SPATA46: variants seen among roughly 807,000 people sequenced by gnomAD.
SPATA46 encodes the protein spermatogenesis associated 46.
In SPATA46, 3 loss-of-function variants were observed where a neutral mutation model predicts 6.2. The observed-to-expected ratio is 0.48, with a 90% confidence interval of 0.22 to 1.25. The LOEUF is 1.25. Among genes scored for constraint, SPATA46 ranks in the 50% most tolerant of loss-of-function variants. SPATA46 has a pLI of 0.20. For synonymous variants in SPATA46, 117 were observed against 123.3 expected (o/e 0.95, Z 0.34); for missense variants, 308 against 323.5 (o/e 0.95, Z 0.37).
rs778213321 is a variant in SPATA46, at chr1:162,374,324, T to G, written c.510A>C (p.Leu170=). The G allele has an allele frequency of 6.2e-7, 1 of 1,614,148 alleles. No individual in the cohort carries two copies. Among genetic ancestry groups the G allele is most frequent in the Non-Finnish European group, 8.5e-7 (1 of 1,179,988 alleles). Residue 170 remains leucine, a synonymous_variant, in exon 3 of 3, where the codon CTA becomes CTC. Transcript: ENST00000367935. ...GTGCTGGGTGCCACCTGGAAGCCAT[T>G]AGGATGTCCTGGGATGTGATGGAGT... ...GLDSITSQDI[L]MASRWHPAQQ...
chr1:162,374,282 C>G lies in SPATA46; in HGVS notation c.552G>C (p.Lys184Asn). 6.2e-7 allele frequency: 1 copy of G among 1,614,104 alleles called. No individual in the cohort carries two copies. Among genetic ancestry groups the G allele is most frequent in the Non-Finnish European group, 8.5e-7 (1 of 1,179,954 alleles). The change falls in exon 3 of 3, where the codon AAG becomes AAC. Residue 184 changes from lysine (K) to asparagine (N), a missense_variant. Coordinates refer to ENST00000367935, the MANE Select transcript of SPATA46 (RefSeq NM_182581.4). ...GGTACATGCGGCAGCAGGCCACGCA[C>G]TTGTAGCCATTCTGCTGTGCTGGGT... ...RWHPAQQNGY[K>N]CVACCRMYPT... is the part of the protein sequence containing the mutation.
Position 162,375,381 on chromosome 1 carries a change from G to A in SPATA46, c.126C>T (p.Pro42=). ...SLPDIAKTAV[P]TEASSPAQAL... ...CCTGAGCTGGGCTGGATGCCTCAGT[G>A]GGTACTGCTGTCTTTGCAATGTCTG... The change falls in exon 2 of 3, where the codon CCC becomes CCT. Residue 42 remains proline, a synonymous_variant. Coordinates refer to ENST00000367935, the MANE Select transcript of SPATA46 (RefSeq NM_182581.4). 6.2e-7 allele frequency: 1 copy of A among 1,614,062 alleles called. No individual in the cohort carries two copies. Among genetic ancestry groups the A allele is most frequent in the South Asian group, 1.1e-5 (1 of 91,082 alleles).
intron 2 of SPATA46, 142 bp downstream of exon 2, chr1:162,375,148 A>C (rs1193787595): frequency 1.5e-6 from 1 of 684,590 alleles, no homozygotes; most frequent in Non-Finnish European, 2.5e-6. Context: ...TACCAAAGGA[A>C]GAAGGGCCAG....
At chr1:162,376,222 A>G (rs893484650) in intron 1 of SPATA46, among the ~76,000 whole-genome samples, 10 of 152,330 alleles carry the variant, frequency 6.6e-5, no homozygotes, top group Non-Finnish European at 1.3e-4. Context: ...GCTGCTGCTT[A>G]GGCTTCTCTG....
Position 162,373,960 on chromosome 1 carries a change from T to C in SPATA46, c.*88A>G. 1.3e-5 allele frequency: 18 copies of C among 1,367,520 alleles called. No individual in the cohort carries two copies. Among genetic ancestry groups the C allele is most frequent in the Non-Finnish European group, 1.8e-5 (18 of 1,003,180 alleles). The allele number at this position is 1,367,520 out of a possible 1,614,324, so 84.7% of individuals were successfully genotyped here. A position where few individuals can be genotyped will look rare whatever the true frequency, so the allele number is the denominator to read the frequency against. On this transcript the variant is annotated 3_prime_UTR_variant, in exon 3 of 3. Transcript: ENST00000367935. The stretch of plus-strand genomic sequence containing the variant: ...CTAGGCAACCATTAGCCAAAGGTGA[T>C]GAGAGCCGGGTTCTGGGAAGGACAG...
In SPATA46 at chr1:162,376,591, A is replaced by G. The variant is rs1647679765; in HGVS notation, c.103+97T>C. The G allele has an allele frequency of 2.5e-6, 3 of 1,180,558 alleles. No individual in the cohort carries two copies. In the Admixed American group the frequency reaches 7.8e-5, roughly 31 times the overall value. The allele number at this position is 1,180,558 out of a possible 1,614,324, so 73.1% of individuals were successfully genotyped here. On this transcript the variant is annotated intron_variant, in intron 1 of 2. Transcript: ENST00000367935. ...TCCCCATGCGTAATTTGACTTTCTC[A>G]CTAAATCATGGTCCTGTAACATGAT...
chr1:162,376,028 A>G (rs164185), intron 1 of SPATA46, among the ~76,000 whole-genome samples: 143,963 of 152,262 alleles, frequency 0.95, 68,544 homozygotes, highest in East Asian at 1. Flanking sequence ...CTGTGCATAG[A>G]GATCCCCTAG....
rs778609380 is a variant in SPATA46, at chr1:162,376,735, A to C, written c.56T>G (p.Leu19Arg). 1.2e-6 allele frequency: 2 copies of C among 1,614,124 alleles called. No individual in the cohort carries two copies. Among genetic ancestry groups the C allele is most frequent in the South Asian group, 1.1e-5 (1 of 91,080 alleles). ...GAACATAATGTCGGGAAAAGCACTC[A>C]GGGCGGAGGAAGAGATTGGAGGTCC... is the stretch of plus-strand genomic sequence containing the variant. ...ISGPPISSSA[L>R]SAFPDIMFSR... is the part of the protein sequence containing the mutation. Residue 19 changes from leucine to arginine, a missense_variant, in exon 1 of 3, where the codon CTG becomes CGG. Transcript: ENST00000367935.
At position 162,374,376 on chromosome 1, in the gene SPATA46, G is replaced by A; in HGVS notation, c.458C>T (p.Ala153Val). ...SSPENTCPREATKKSRHGLDS... is the reference protein window; with the variant it reads ...SSPENTCPREVTKKSRHGLDS... Reference sequence around the variant, plus strand: ...CAGGCCATGCCTGGATTTCTTGGTGGCTTCTCGAGGGCAAGTGTTCTCTGG... The same window carrying A: ...CAGGCCATGCCTGGATTTCTTGGTGACTTCTCGAGGGCAAGTGTTCTCTGG... Residue 153 changes from alanine to valine, a missense_variant, in exon 3 of 3, where the codon GCC becomes GTC. Transcript: ENST00000367935. 1 of 1,614,230 alleles carries A rather than the reference G, an allele frequency of 6.2e-7. No individual in the cohort carries two copies. Among genetic ancestry groups the A allele is most frequent in the Non-Finnish European group, 8.5e-7 (1 of 1,180,038 alleles).
chr1:162,375,415 A>G lies in SPATA46; in HGVS notation c.104-12T>C. The G allele has an allele frequency of 1.9e-6, 3 of 1,610,332 alleles. No individual in the cohort carries two copies. The highest frequency in any genetic ancestry group is 1.7e-6 in the Non-Finnish European group (2 of 1,176,660). ...TGTCTTTGCAATGTCTGGGTTATAGAAGAAACACTGGTGAGCTGAGCAAGG... is the reference window on the plus strand; with the variant it reads ...TGTCTTTGCAATGTCTGGGTTATAGGAGAAACACTGGTGAGCTGAGCAAGG... On this transcript the variant is annotated splice_polypyrimidine_tract_variant and intron_variant, in intron 1 of 2. Coordinates refer to ENST00000367935, the MANE Select transcript of SPATA46 (RefSeq NM_182581.4).
In SPATA46 at chr1:162,374,516, G is replaced by T. The variant is rs1263010730; in HGVS notation, c.318C>A (p.Asp106Glu). 2 of 1,614,196 alleles carry T rather than the reference G, an allele frequency of 1.2e-6. No individual in the cohort carries two copies. The highest frequency in any genetic ancestry group is 2.2e-5 in the East Asian group (1 of 44,876). The change falls in exon 3 of 3, where the codon GAC (aspartate) becomes GAA (glutamate). Residue 106 changes from aspartate to glutamate, a missense_variant. Coordinates refer to ENST00000367935, the MANE Select transcript of SPATA46 (RefSeq NM_182581.4). ...FSPYSYFVCADKESQLEAYDF... is the reference protein window; with the variant it reads ...FSPYSYFVCAEKESQLEAYDF... ...CATAGGCCTCCAGCTGGCTCTCTTT[G>T]TCTGCACACACGAAGTAGCTGTAGG...
At chr1:162,374,742 A>G in intron 2 of SPATA46, 126 bp from the exon 3 acceptor site, 1 of 936,102 alleles carries the variant, frequency 1.1e-6, no homozygotes, top group Non-Finnish European at 1.6e-6. Flanking sequence ...CCACGATTGC[A>G]GTTCTGAGAG....
At position 162,374,001 on chromosome 1, in the gene SPATA46, G is replaced by T; in HGVS notation, c.*47C>A. The T allele has an allele frequency of 6.5e-7, 1 of 1,528,432 alleles. No homozygotes were observed. The highest frequency in any genetic ancestry group is 1.3e-5 in the South Asian group (1 of 77,358). 94.7% of individuals were successfully genotyped at this position (1,528,432 alleles called of 1,614,324 possible). On this transcript the variant is annotated 3_prime_UTR_variant, in exon 3 of 3. Transcript: ENST00000367935. ...GGAAGGACAGCAGGCTGTGCGGGGT[G>T]ACCTCAGACTGGACAGAAGGCTGTG...
At chr1:162,375,539 A>T (rs1019243501) in intron 1 of SPATA46, 136 bp from the exon 2 acceptor site, 4 of 661,502 alleles carry the variant, frequency 6.0e-6, no homozygotes, top group Non-Finnish European at 1.1e-5. Context: ...TGACCTCTCA[A>T]ACTCAGCCAG....
intron 2 of SPATA46, 111 bp from the exon 3 acceptor site, chr1:162,374,727 C>G: frequency 9.1e-7 from 1 of 1,099,506 alleles, no homozygotes; most frequent in African/African-American, 1.6e-5. Context: ...GTTACCTCCA[C>G]CCCACCACGA....
intron 1 of SPATA46, 30 bp downstream of exon 1, chr1:162,376,658 C>T (rs1647684229): frequency 1.3e-6 from 2 of 1,587,586 alleles, no homozygotes; most frequent in African/African-American, 2.7e-5. Context: ...AAAACCACAT[C>T]TTTGTGGCCC....
rs1647522174 is a variant in SPATA46, at chr1:162,373,995, CG to C, written c.*52del. ...GTTCTGGGAAGGACAGCAGGCTGTG[CG>C]GGGTGACCTCAGACTGGACAGAAGG... On this transcript the variant is annotated 3_prime_UTR_variant, in exon 3 of 3. Coordinates refer to ENST00000367935, the MANE Select transcript of SPATA46 (RefSeq NM_182581.4). 8 of 1,519,916 alleles carry C rather than the reference CG, an allele frequency of 5.3e-6. No homozygotes were observed. In the African/African-American group the frequency reaches 1.1e-4, roughly 21 times the overall value. 94.2% of individuals were successfully genotyped at this position (1,519,916 alleles called of 1,614,324 possible).
rs11350412 is a variant in SPATA46, at chr1:162,376,466, CAAA to C, written c.103+219_103+221del. 3,100 of 339,624 alleles carry C rather than the reference CAAA, an allele frequency of 9.1e-3. 1 individual carries two copies. The highest frequency in any genetic ancestry group is 0.015 in the Middle Eastern group (16 of 1,038). The allele number at this position is 339,624 out of a possible 1,614,324, so 21.0% of individuals were successfully genotyped here. A position where few individuals can be genotyped will look rare whatever the true frequency, so the allele number is the denominator to read the frequency against. The stretch of plus-strand genomic sequence containing the variant: ...GAGCGACAGGAGTGAAACTCTGTCT[CAAA>C]AAAAAAAAAAAAGTTTTCCCCTTTC... On this transcript the variant is annotated intron_variant, in intron 1 of 2. Transcript: ENST00000367935.
At chr1:162,374,730 C>A (rs932870119) in intron 2 of SPATA46, 114 bp from the exon 3 acceptor site, 6 of 1,069,712 alleles carry the variant, frequency 5.6e-6, no homozygotes, top group Non-Finnish European at 8.0e-6. Flanking sequence ...ACCTCCACCC[C>A]ACCACGATTG....
Sources: allele counts gnomAD v4.1 joint callset (sites outside exome capture counted in the v4.1 genomes callset), GRCh38; gene constraint gnomAD v4.1.1; transcripts MANE v1.5; gene names NCBI Gene and HGNC (gene_info 2026-07-23, HGNC 2026-07-21).